The following PKP4 variants were observed in gnomAD, a reference collection of about 807,000 sequenced individuals.
The protein encoded by PKP4 is plakophilin-4.
In PKP4, 90 loss-of-function variants were observed where a neutral mutation model predicts 145.1. The ratio of observed to expected loss-of-function variants is 0.62; its 90% CI spans 0.52 to 0.74. PKP4 has a LOEUF of 0.74. PKP4 is among the 30% of genes least tolerant of loss of function. PKP4 has a pLI of 0.00. For missense variants in PKP4, 1,340 were observed against 1,482.7 expected (o/e 0.90, Z 1.58); for synonymous variants, 563 against 577.2 (o/e 0.98, Z 0.35).
At chr2:158,476,697 CT>C (rs1559194490) in intron 1 of PKP4, among the ~76,000 whole-genome samples, 1 of 149,402 alleles carries the variant, frequency 6.7e-6, no homozygotes, top group Non-Finnish European at 1.5e-5. Flanking sequence ...TTTAGGCGAT[CT>C]CACTTTTAAA....
intron 11 of PKP4, among the ~76,000 whole-genome samples, chr2:158,647,502 C>T (rs971360493): frequency 1.5e-4 from 23 of 152,212 alleles, no homozygotes; most frequent in Middle Eastern, 3.4e-3. Context: ...TATAAAGATG[C>T]CTTGCCTTTG....
intron 4 of PKP4, 101 bp from the exon 5 acceptor site, chr2:158,620,889 C>T (rs2052162929): frequency 2.1e-6 from 2 of 933,376 alleles, no homozygotes; most frequent in Admixed American, 1.9e-5. Context: ...CTTGTATTAG[C>T]ATATAGATTC....
Position 158,663,254 on chromosome 2 carries a change from G to T in PKP4, c.2404-18G>T. The T allele has an allele frequency of 6.2e-7, 1 of 1,609,042 alleles. No homozygotes were observed. Among genetic ancestry groups the T allele is most frequent in the Non-Finnish European group, 8.5e-7 (1 of 1,177,540 alleles). On this transcript the variant is annotated intron_variant, in intron 14 of 21. Transcript: ENST00000389759. The stretch of plus-strand genomic sequence containing the variant: ...TGTTCATTCTGCCTCCATTTAACGT[G>T]TGCTGTTTGTCTTTCAGTGGGATGG...
intron 4 of PKP4, among the ~76,000 whole-genome samples, chr2:158,620,171 G>A (rs1287276585): frequency 6.6e-6 from 1 of 152,096 alleles, no homozygotes; most frequent in African/African-American, 2.4e-5. Flanking sequence ...AGGAAGGAAT[G>A]GCTTGTATTG....
At chr2:158,549,469 G>A (rs2045400867) in intron 2 of PKP4, among the ~76,000 whole-genome samples, 2 of 151,988 alleles carry the variant, frequency 1.3e-5, no homozygotes, top group South Asian at 2.1e-4. Context: ...TGTGAGGGAC[G>A]AGTGCTTTGG....
chr2:158,550,145 G>GATCTCTCAGAATAAAACA (rs2045480175), intron 2 of PKP4, among the ~76,000 whole-genome samples: 5 of 144,726 alleles, frequency 3.5e-5, no homozygotes, highest in Admixed American at 1.4e-4. Flanking sequence ...CCAAGAAGAA[G>GATCTCTCAGAATAAAACA]TTAAACAATC....
At chr2:158,598,484 A>G (rs532583389) in intron 3 of PKP4, among the ~76,000 whole-genome samples, 21 of 152,294 alleles carry the variant, frequency 1.4e-4, no homozygotes, top group African/African-American at 5.1e-4. Context: ...TATTCCTGTT[A>G]TTGCCGGGCG....
At chr2:158,551,222 A>C (rs1259993810) in intron 2 of PKP4, among the ~76,000 whole-genome samples, 1 of 152,222 alleles carries the variant, frequency 6.6e-6, no homozygotes, top group Non-Finnish European at 1.5e-5. Context: ...ATAGGCACAC[A>C]GTTTTATTTG....
chr2:158,675,969 AG>A (rs2057971874), intron 19 of PKP4, among the ~76,000 whole-genome samples: 1 of 152,184 alleles, frequency 6.6e-6, no homozygotes, highest in Admixed American at 6.5e-5. Flanking sequence ...AATAAGAAAA[AG>A]AAAAAATGTG....
chr2:158,625,096 G>A lies in PKP4; in HGVS notation c.822G>A (p.Pro274=), dbSNP rs761297750. ...TACCTGCTGCACGGGCAGCCTCTCC[G>A]TACTCACAGAGACCCGCCTCCCCAA... is the stretch of plus-strand genomic sequence containing the variant. ...TTLPAARAAS[P]YSQRPASPTA... Residue 274 remains proline (P), a synonymous_variant, in exon 7 of 22, where the codon CCG becomes CCA. Coordinates refer to ENST00000389759, the MANE Select transcript of PKP4 (RefSeq NM_003628.6). 2.3e-5 allele frequency: 37 copies of A among 1,613,968 alleles called. No homozygotes were observed. Among genetic ancestry groups the A allele is most frequent in the African/African-American group, 2.0e-4 (15 of 74,884 alleles).
intron 3 of PKP4, among the ~76,000 whole-genome samples, chr2:158,585,051 G>A (rs1302149910): frequency 6.6e-6 from 1 of 152,002 alleles, no homozygotes; most frequent in East Asian, 1.9e-4. Context: ...TTTAATAATT[G>A]TAGAAAACAT....
intron 17 of PKP4, 55 bp from the exon 18 acceptor site, chr2:158,673,622 A>G: frequency 7.8e-7 from 1 of 1,289,482 alleles, no homozygotes; most frequent in Admixed American, 1.7e-5. Context: ...CACCCCTCTG[A>G]GTGGGGCTGA....
At chr2:158,537,568 A>G (rs898318888) in intron 2 of PKP4, among the ~76,000 whole-genome samples, 4 of 152,222 alleles carry the variant, frequency 2.6e-5, no homozygotes, top group African/African-American at 7.2e-5. Context: ...TGTAATTAGG[A>G]TCATCCTTTA....
chr2:158,636,358 C>G (rs1035144045), intron 9 of PKP4, among the ~76,000 whole-genome samples: 3 of 151,806 alleles, frequency 2.0e-5, no homozygotes, highest in African/African-American at 7.3e-5. Flanking sequence ...CATTCATTGT[C>G]TTCAGATCTC....
chr2:158,663,014 C>G lies in PKP4; in HGVS notation c.2329C>G (p.Pro777Ala). The change falls in exon 14 of 22, where the codon CCC (proline) becomes GCC (alanine). Residue 777 changes from proline to alanine, a missense_variant. Pro to Ala is a conservative substitution (Grantham distance 27). Transcript: ENST00000389759. ...GGATGACTTACTAGGAAAAGAGTCT[C>G]CCAGCAAAGACTCTGAGCCAAGTTG... ...ELDDLLGKESPSKDSEPSCWG... is the reference protein window; with the variant it reads ...ELDDLLGKESASKDSEPSCWG... The G allele has an allele frequency of 1.2e-6, 2 of 1,613,846 alleles. No individual in the cohort carries two copies. Among genetic ancestry groups the G allele is most frequent in the East Asian group, 4.5e-5 (2 of 44,854 alleles).
At chr2:158,529,577 G>T (rs1456732076) in intron 1 of PKP4, among the ~76,000 whole-genome samples, 1 of 152,188 alleles carries the variant, frequency 6.6e-6, no homozygotes, top group African/African-American at 2.4e-5. Flanking sequence ...GTCCCAAGGA[G>T]CCTGAAGGAA....
intron 7 of PKP4, among the ~76,000 whole-genome samples, chr2:158,629,605 G>A (rs1465249648): frequency 6.6e-6 from 1 of 152,180 alleles, no homozygotes. Context: ...CTTTATGCAT[G>A]TGTTAACTTT....
intron 2 of PKP4, among the ~76,000 whole-genome samples, chr2:158,551,552 TACTCTA>T (rs1191248594): frequency 6.6e-6 from 1 of 152,232 alleles, no homozygotes; most frequent in Non-Finnish European, 1.5e-5. Context: ...GCCATTTATT[TACTCTA>T]ACTCCTAAGG....
chr2:158,533,257 G>C lies in PKP4; in HGVS notation c.73G>C (p.Gly25Arg). ...GACCCGCCAGGAAGCTGCCTCCACTGGCCCAGGCATGGAACCCGAGACCAC... is the reference window on the plus strand; with the variant it reads ...GACCCGCCAGGAAGCTGCCTCCACTCGCCCAGGCATGGAACCCGAGACCAC... ...PQTRQEAASTGPGMEPETTAT... is the reference protein window; with the variant it reads ...PQTRQEAASTRPGMEPETTAT... The change falls in exon 2 of 22, where the codon GGC becomes CGC. Residue 25 changes from glycine to arginine, a missense_variant. By Grantham distance (125) the Gly-to-Arg change is moderately radical. Coordinates refer to ENST00000389759, the MANE Select transcript of PKP4 (RefSeq NM_003628.6). 2 of 1,614,112 alleles carry C rather than the reference G, an allele frequency of 1.2e-6. No homozygotes were observed. The highest frequency in any genetic ancestry group is 1.7e-6 in the Non-Finnish European group (2 of 1,180,012).
Sources: allele counts gnomAD v4.1 joint callset (sites outside exome capture counted in the v4.1 genomes callset), GRCh38; gene constraint gnomAD v4.1.1; transcripts MANE v1.5; gene names NCBI Gene and HGNC (gene_info 2026-07-23, HGNC 2026-07-21).